The following EDNRA variants were observed in gnomAD, a reference collection of about 807,000 sequenced individuals.
EDNRA encodes endothelin receptor type A, also known as endothelin-1 receptor.
A neutral mutation model predicts 41.4 loss-of-function variants in EDNRA; 11 were observed. That is an observed-to-expected ratio of 0.27 (90% CI 0.17 to 0.44). The LOEUF (loss-of-function observed/expected upper bound fraction) is 0.44, where lower values mean the gene tolerates loss of function less well. EDNRA is among the 20% of genes least tolerant of loss of function. The pLI, the probability that EDNRA is intolerant of heterozygous loss-of-function variation, is 1.00. For missense variants in EDNRA, 294 were observed against 531.0 expected (o/e 0.55, Z 4.39); for synonymous variants, 172 against 183.0 (o/e 0.94, Z 0.49).
chr4:147,498,109 A>G (rs1382577447), intron 2 of EDNRA, among the ~76,000 whole-genome samples: 1 of 152,230 alleles, frequency 6.6e-6, no homozygotes, highest in East Asian at 1.9e-4. Flanking sequence ...AATTTTATTT[A>G]TGAAAACCCA....
At chr4:147,514,543 G>A (rs1388126959) in intron 2 of EDNRA, among the ~76,000 whole-genome samples, 6 of 151,874 alleles carry the variant, frequency 4.0e-5, no homozygotes, top group South Asian at 2.1e-4. Context: ...GCATGATCTC[G>A]GCTCACTGCA....
chr4:147,539,786 G>T lies in EDNRA; in HGVS notation c.901-31G>T, dbSNP rs1731035816. ...CATCTAGTATAAAAACACTAAATTT[G>T]TTGTCCTATTTTTTTCTCACTTTCC... On this transcript the variant is annotated intron_variant, in intron 5 of 7. Transcript: ENST00000651419. The T allele has an allele frequency of 3.1e-6, 5 of 1,598,584 alleles. No individual in the cohort carries two copies. The African/African-American group carries it at 4.1e-5, about 13-fold the overall frequency.
intron 3 of EDNRA, among the ~76,000 whole-genome samples, chr4:147,527,432 T>C (rs553315264): frequency 3.2e-4 from 49 of 152,258 alleles, no homozygotes; most frequent in South Asian, 2.5e-3. Context: ...CATAGGAGAG[T>C]ATTTTTAATG....
chr4:147,504,646 C>A (rs1181307711), intron 2 of EDNRA, among the ~76,000 whole-genome samples: 3 of 152,046 alleles, frequency 2.0e-5, no homozygotes, highest in African/African-American at 7.2e-5. Flanking sequence ...CTGCAAAAGA[C>A]CCTGTTAAGA....
intron 2 of EDNRA, chr4:147,491,128 A>G (rs193292236): frequency 6.6e-6 from 1 of 152,312 alleles, no homozygotes; most frequent in Non-Finnish European, 1.5e-5. Context: ...AATTTTGTCT[A>G]CCCTAAGCAA....
chr4:147,533,005 A>G (rs34246155), intron 4 of EDNRA, among the ~76,000 whole-genome samples: 61 of 137,256 alleles, frequency 4.4e-4, no homozygotes, highest in African/African-American at 1.4e-3. Context: ...GTGTGTGTGT[A>G]TGTGTGTGTG....
intron 3 of EDNRA, 41 bp downstream of exon 3, chr4:147,520,019 A>G (rs1305464968): frequency 6.4e-7 from 1 of 1,570,182 alleles, no homozygotes; most frequent in Admixed American, 1.9e-5. Flanking sequence ...CTGGGCTTAG[A>G]AAAGCATTTT....
chr4:147,499,581 C>A (rs1729437429), intron 2 of EDNRA, among the ~76,000 whole-genome samples: 2 of 152,066 alleles, frequency 1.3e-5, no homozygotes, highest in Admixed American at 6.6e-5. Flanking sequence ...GTTTTCTAAT[C>A]AAAATTAAAC....
At chr4:147,500,797 CCATGT>C (rs1240014332) in intron 2 of EDNRA, among the ~76,000 whole-genome samples, 1 of 150,896 alleles carries the variant, frequency 6.6e-6, no homozygotes, top group Non-Finnish European at 1.5e-5. Flanking sequence ...TAGGGCTCAA[CCATGT>C]CATTCTGCCA....
At chr4:147,491,161 A>G (rs540506483) in intron 2 of EDNRA, 20 of 152,354 alleles carry the variant, frequency 1.3e-4, no homozygotes, top group Admixed American at 1.2e-3. Flanking sequence ...GAGGACAACA[A>G]TGAAAAATAA....
chr4:147,532,993 G>A (rs2126475478), intron 4 of EDNRA, among the ~76,000 whole-genome samples: 1 of 143,748 alleles, frequency 7.0e-6, no homozygotes, highest in Middle Eastern at 3.4e-3. Context: ...AGATGTGTGT[G>A]TGTGTGTGTG....
chr4:147,535,330 C>T (rs1255162149), intron 4 of EDNRA, among the ~76,000 whole-genome samples: 8 of 152,104 alleles, frequency 5.3e-5, no homozygotes, highest in Non-Finnish European at 8.8e-5. Flanking sequence ...AAGTTCAAAG[C>T]GGCTGGCTTT....
rs547972032 is a variant in EDNRA at position 147,530,359 on chromosome 4, A to G, written c.549-2147A>G. On this transcript the variant is annotated intron_variant, in intron 3 of 7. Transcript: ENST00000651419. ...TAGCTTTACTGGGTATCAGGCTGCC[A>G]GTTTAACAAGGGAACAAAGAAAAAT... Among the ~76,000 whole-genome samples, 239 of 152,332 alleles carry G rather than the reference A, an allele frequency of 1.6e-3. 1 individual carries two copies. Among genetic ancestry groups the G allele is most frequent in the African/African-American group, 5.5e-3 (227 of 41,580 alleles).
chr4:147,490,365 G>T (rs1353626712), intron 2 of EDNRA: 1 of 152,160 alleles, frequency 6.6e-6, no homozygotes, highest in African/African-American at 2.4e-5. Flanking sequence ...ATTTTTAGTT[G>T]TTCAAAATAA....
At chr4:147,517,004 A>G (rs1182793632) in intron 2 of EDNRA, among the ~76,000 whole-genome samples, 1 of 151,468 alleles carries the variant, frequency 6.6e-6, no homozygotes, top group Non-Finnish European at 1.5e-5. Context: ...AAAAAAAAAA[A>G]GCATATGCTT....
At position 147,519,910 on chromosome 4, in the gene EDNRA, G is replaced by A; in HGVS notation, c.480G>A (p.Leu160=). 1 of 1,613,606 alleles carries A rather than the reference G, an allele frequency of 6.2e-7. No homozygotes were observed. Among genetic ancestry groups the A allele is most frequent in the Non-Finnish European group, 8.5e-7 (1 of 1,179,718 alleles). Residue 160 remains leucine (L), a synonymous_variant, in exon 3 of 8, where the codon CTG becomes CTA. Transcript: ENST00000651419. This position sits in a 1 kb window ranked among gnomAD's most constrained non-coding sequence, Gnocchi z 4.1. Reference sequence around the variant, plus strand: ...ACTTTGGCGTATTTCTTTGCAAGCTGTTCCCCTTTTTGCAGAAGTCCTCGG... The same window carrying A: ...ACTTTGGCGTATTTCTTTGCAAGCTATTCCCCTTTTTGCAGAAGTCCTCGG... ...HNDFGVFLCK[L]FPFLQKSSVG... is the part of the protein sequence containing the mutation.
At chr4:147,527,841 A>T (rs983110751) in intron 3 of EDNRA, among the ~76,000 whole-genome samples, 1 of 152,216 alleles carries the variant, frequency 6.6e-6, no homozygotes, top group African/African-American at 2.4e-5. Context: ...GCCCTGAGCC[A>T]TGGTCCAGAC....
intron 3 of EDNRA, among the ~76,000 whole-genome samples, chr4:147,525,840 A>G (rs1730523335): frequency 6.6e-6 from 1 of 152,230 alleles, no homozygotes; most frequent in Non-Finnish European, 1.5e-5. Context: ...TTAATGAGGC[A>G]GCTTTGTTTT....
chr4:147,505,326 C>CTTTTTTTTTTTTTTTTTTTTTTTTTTTT (rs1729660192), intron 2 of EDNRA, among the ~76,000 whole-genome samples: 1 of 82,028 alleles, frequency 1.2e-5, no homozygotes, highest in African/African-American at 5.4e-5. Flanking sequence ...TTTCTTTTTT[C>CTTTTTTTTTTTTTTTTTTTTTTTTTTTT]ATTTTTTTTT....
Sources: gnomAD v4.1 joint callset for allele counts (sites outside exome capture counted in the v4.1 genomes callset) on GRCh38, gnomAD v4.1.1 for gene constraint, Gnocchi (gnomAD v3.1) non-coding constraint, MANE v1.5 for transcripts, NCBI Gene and HGNC (gene_info 2026-07-23, HGNC 2026-07-21) for gene names.